Variants in KIAA0825 observed in about 807,000 individuals in gnomAD.
The protein encoded by KIAA0825 is KIAA0825, also known as uncharacterized protein KIAA0825.
A neutral mutation model predicts 147.6 loss-of-function variants in KIAA0825; 119 were observed. The observed-to-expected ratio is 0.81, with a 90% CI of 0.69 to 0.94. KIAA0825 has a LOEUF of 0.94. Among genes scored for constraint, KIAA0825 ranks in the 40% least tolerant of loss-of-function variants. The pLI is 0.00. For synonymous variants in KIAA0825, 470 were observed against 518.1 expected, an observed-to-expected ratio of 0.91 and a Z score of 1.26; for missense variants, 1,381 against 1,472.7, an observed-to-expected ratio of 0.94 and a Z score of 1.02.
rs72771613 is a variant in KIAA0825 at position 94,152,797 on chromosome 5, A to T, written c.*1210T>A. 0.086 allele frequency among the ~76,000 whole-genome samples: 10,512 copies of T among 122,610 alleles called. 789 individuals are homozygous for T. Among genetic ancestry groups the T allele is most frequent in the East Asian group, 0.21 (784 of 3,722 alleles). 80.4% of individuals were successfully genotyped at this position (122,610 alleles called of 152,430 possible). On this transcript the variant is annotated 3_prime_UTR_variant, in exon 21 of 21. Transcript: ENST00000682413. ...GCCACTGCACTACATTCCAGGCAACAGAGCAAGACCCTGTTTCTAAAATGA... is the reference window on the plus strand; with the variant it reads ...GCCACTGCACTACATTCCAGGCAACTGAGCAAGACCCTGTTTCTAAAATGA...
Position 94,385,925 on chromosome 5 carries a change from G to A in KIAA0825, c.3619+317C>T, listed in dbSNP as rs1281748530. Among the ~76,000 whole-genome samples, 4 of 152,112 alleles carry A rather than the reference G, an allele frequency of 2.6e-5. No individual in the cohort carries two copies. The East Asian group carries it at 7.7e-4, about 29-fold the overall frequency. On this transcript the variant is annotated intron_variant, in intron 19 of 20. Coordinates refer to ENST00000682413, the MANE Select transcript of KIAA0825 (RefSeq NM_001145678.3). ...GTGTATTGGGGGATGGGGGTGGCAA[G>A]GGAGGAAAGGAATGTTACAAAATGC...
At chr5:94,532,826 A>T (rs1484482035) in intron 3 of KIAA0825, among the ~76,000 whole-genome samples, 5 of 138,814 alleles carry the variant, frequency 3.6e-5, no homozygotes, top group East Asian at 4.2e-4. Context: ...TCTTTAGATT[A>T]AAAAAAAAAA....
chr5:94,599,002 C>G (rs1214747833), intron 1 of KIAA0825, among the ~76,000 whole-genome samples: 1 of 152,128 alleles, frequency 6.6e-6, no homozygotes, highest in African/African-American at 2.4e-5. Flanking sequence ...AGAGGGACAG[C>G]TGGATCATAT....
In KIAA0825 at chr5:94,586,658, T is replaced by A. The variant is rs1321610740; in HGVS notation, c.-152-4075A>T. Among the ~76,000 whole-genome samples the A allele has an allele frequency of 7.2e-5, 11 of 152,208 alleles. No homozygotes were observed. In the East Asian group the frequency reaches 2.1e-3, roughly 29 times the overall value. ...TTCCTTCTGAGACTATTCCAATCAA[T>A]AGAAAAAGAGGGAATCCTCCCTAAT... On this transcript the variant is annotated intron_variant, in intron 1 of 20. Coordinates refer to ENST00000682413, the MANE Select transcript of KIAA0825 (RefSeq NM_001145678.3).
chr5:94,419,004 A>G (rs113118112), intron 14 of KIAA0825, among the ~76,000 whole-genome samples: 2,060 of 152,160 alleles, frequency 0.014, 29 homozygotes, highest in Non-Finnish European at 0.021. Context: ...CAGCCTCGCA[A>G]GTAGGTCTAA....
intron 3 of KIAA0825, among the ~76,000 whole-genome samples, chr5:94,535,247 C>T (rs967571771): frequency 2.6e-5 from 4 of 152,026 alleles, no homozygotes; most frequent in African/African-American, 7.2e-5. Context: ...TGGTGGCTCA[C>T]GCCTATAATC....
intron 13 of KIAA0825, among the ~76,000 whole-genome samples, chr5:94,452,505 T>C (rs1758542182): frequency 1.3e-5 from 2 of 152,246 alleles, no homozygotes; most frequent in South Asian, 2.1e-4. Context: ...GCACATTTCA[T>C]ACTTTAAATG....
chr5:94,202,525 A>G (rs1001086546), intron 20 of KIAA0825, among the ~76,000 whole-genome samples: 1 of 152,188 alleles, frequency 6.6e-6, no homozygotes, highest in African/African-American at 2.4e-5. Flanking sequence ...GGCTATTAAG[A>G]TCTGCAATGC....
At chr5:94,584,180 A>T (rs902589744) in intron 1 of KIAA0825, among the ~76,000 whole-genome samples, 2 of 152,186 alleles carry the variant, frequency 1.3e-5, no homozygotes, top group African/African-American at 4.8e-5. Context: ...AACTGGATGG[A>T]GAATGAGTTT....
chr5:94,187,402 G>GT (rs34689731), intron 20 of KIAA0825, among the ~76,000 whole-genome samples: 63,678 of 105,622 alleles, frequency 0.6, 19,374 homozygotes, highest in South Asian at 0.67. Context: ...AGAGAAAGGA[G>GT]TTTTTTTTTT....
At chr5:94,357,102 G>A (rs1414587818) in intron 20 of KIAA0825, among the ~76,000 whole-genome samples, 3 of 152,066 alleles carry the variant, frequency 2.0e-5, no homozygotes, top group Non-Finnish European at 4.4e-5. Context: ...GAAAGACAAA[G>A]AACCACACAG....
At chr5:94,246,015 C>G (rs776400257) in intron 20 of KIAA0825, among the ~76,000 whole-genome samples, 4 of 152,078 alleles carry the variant, frequency 2.6e-5, no homozygotes, top group Non-Finnish European at 4.4e-5. Context: ...ATTTGGAAAG[C>G]CTTATCCTTA....
At chr5:94,296,476 C>G (rs778933661) in intron 20 of KIAA0825, among the ~76,000 whole-genome samples, 1 of 152,136 alleles carries the variant, frequency 6.6e-6, no homozygotes, top group African/African-American at 2.4e-5. Context: ...GCAGCTAGCT[C>G]GGTGTCTGCC....
chr5:94,617,029 C>A (rs1357646322), intron 1 of KIAA0825, among the ~76,000 whole-genome samples: 2 of 152,050 alleles, frequency 1.3e-5, no homozygotes, highest in Admixed American at 1.3e-4. Context: ...CTCTTTGGGT[C>A]TCAGTATAAA....
At chr5:94,179,747 G>A (rs1278724554) in intron 20 of KIAA0825, among the ~76,000 whole-genome samples, 2 of 151,976 alleles carry the variant, frequency 1.3e-5, no homozygotes, top group Admixed American at 1.3e-4. Flanking sequence ...AAACAGATAG[G>A]AGCCACCCAG....
At chr5:94,169,651 A>G (rs1220320603) in intron 20 of KIAA0825, among the ~76,000 whole-genome samples, 2 of 151,964 alleles carry the variant, frequency 1.3e-5, no homozygotes, top group African/African-American at 2.4e-5. Context: ...TCATCGAGTC[A>G]CTGCCTATAT....
chr5:94,189,725 T>C (rs1424205842), intron 20 of KIAA0825, among the ~76,000 whole-genome samples: 1 of 152,152 alleles, frequency 6.6e-6, no homozygotes, highest in African/African-American at 2.4e-5. Flanking sequence ...CCCTCCAAAT[T>C]CATCCTCCCT....
intron 15 of KIAA0825, among the ~76,000 whole-genome samples, chr5:94,407,214 T>C (rs536037253): frequency 6.6e-6 from 1 of 152,254 alleles, no homozygotes; most frequent in African/African-American, 2.4e-5. Flanking sequence ...AAAGCGCTAA[T>C]CTCTCACCTC....
chr5:94,350,255 C>T (rs780925218), intron 20 of KIAA0825, among the ~76,000 whole-genome samples: 4 of 151,994 alleles, frequency 2.6e-5, no homozygotes, highest in Admixed American at 6.6e-5. Flanking sequence ...CTGAACAGAC[C>T]GATAACGAGC....
Sources: allele counts gnomAD v4.1 joint callset (sites outside exome capture counted in the v4.1 genomes callset), GRCh38; gene constraint gnomAD v4.1.1; transcripts MANE v1.5; gene names NCBI Gene and HGNC (gene_info 2026-07-23, HGNC 2026-07-21).